KIAA1958: variants seen among roughly 807,000 people sequenced by gnomAD.
The protein encoded by KIAA1958 is KIAA1958.
Under a neutral mutation model 47.2 loss-of-function variants are expected in KIAA1958, and 14 were observed. The observed-to-expected ratio is 0.30, with a 90% confidence interval of 0.20 to 0.46. The LOEUF (loss-of-function observed/expected upper bound fraction) is 0.46, where lower values mean the gene tolerates loss of function less well. Ranked by LOEUF, KIAA1958 falls within the 20% of genes least tolerant of loss-of-function variation. The probability of loss-of-function intolerance (pLI) is 1.00; values close to 1 mark genes in which losing one functional copy is unlikely to be tolerated. For missense variants in KIAA1958, 803 were observed against 909.2 expected (o/e 0.88, Z 1.50); for synonymous variants, 354 against 353.3 (o/e 1.00, Z -0.02).
At chr9:112,612,602 CATAAT>C (rs1836344870) in intron 2 of KIAA1958, among the ~76,000 whole-genome samples, 1 of 151,864 alleles carries the variant, frequency 6.6e-6, no homozygotes, top group South Asian at 2.1e-4. Flanking sequence ...AAAATAAAAT[CATAAT>C]ATATATTACA....
chr9:112,566,653 A>G (rs559540015), intron 1 of KIAA1958, among the ~76,000 whole-genome samples: 110 of 152,364 alleles, frequency 7.2e-4, no homozygotes, highest in Non-Finnish European at 1.2e-3. Context: ...GTGAACATGT[A>G]GTATTTATTT....
At chr9:112,558,749 C>G (rs1835283255) in intron 1 of KIAA1958, among the ~76,000 whole-genome samples, 2 of 152,132 alleles carry the variant, frequency 1.3e-5, no homozygotes, top group Admixed American at 6.5e-5. Context: ...AAATAAGAGT[C>G]AGAATGGAGG....
intron 1 of KIAA1958, among the ~76,000 whole-genome samples, chr9:112,533,080 T>G (rs977573119): frequency 6.6e-6 from 1 of 152,138 alleles, no homozygotes; most frequent in Non-Finnish European, 1.5e-5. Flanking sequence ...AAGTATACCC[T>G]TCCAGATTTA....
chr9:112,515,894 T>TAAA (rs58492221), intron 1 of KIAA1958, among the ~76,000 whole-genome samples: 23,794 of 96,790 alleles, frequency 0.25, 3,405 homozygotes, highest in South Asian at 0.27. Flanking sequence ...AAAAATAAAT[T>TAAA]AAAAAAAAAA....
At chr9:112,633,830 T>G (rs2131232206) in intron 2 of KIAA1958, among the ~76,000 whole-genome samples, 1 of 152,372 alleles carries the variant, frequency 6.6e-6, no homozygotes, top group South Asian at 2.1e-4. Context: ...ATATAATAAT[T>G]CATTGTATAA....
intron 2 of KIAA1958, among the ~76,000 whole-genome samples, chr9:112,620,751 C>T (rs1395206673): frequency 6.6e-6 from 1 of 151,116 alleles, no homozygotes; most frequent in African/African-American, 2.4e-5. Context: ...TGCTAAGTGA[C>T]TTACATGGAT....
chr9:112,625,476 G>T (rs1307025607), intron 2 of KIAA1958, among the ~76,000 whole-genome samples: 2 of 152,076 alleles, frequency 1.3e-5, no homozygotes, highest in Non-Finnish European at 2.9e-5. Flanking sequence ...AACAAAAGAG[G>T]CAATAGCCCC....
rs1836150854 is a variant in KIAA1958 at position 112,602,449 on chromosome 9, G to A, written c.1171+27198G>A. On this transcript the variant is annotated intron_variant, in intron 2 of 3. Transcript: ENST00000337530. ...AAAATTTGATTTCTTTCAGATGAATGCATCTATGGAAGAAGTTAGTACAGT... is the reference window on the plus strand; with the variant it reads ...AAAATTTGATTTCTTTCAGATGAATACATCTATGGAAGAAGTTAGTACAGT... Among the ~76,000 whole-genome samples, 4 of 152,262 alleles carry A rather than the reference G, an allele frequency of 2.6e-5. 1 individual carries two copies. The Middle Eastern group carries it at 0.01, about 388-fold the overall frequency.
chr9:112,582,410 A>G (rs1835751275), intron 2 of KIAA1958: 1 of 152,748 alleles, frequency 6.5e-6, no homozygotes, highest in African/African-American at 2.4e-5. Flanking sequence ...ATTTTTAAAG[A>G]AACAGTTGTT....
Position 112,574,155 on chromosome 9 carries a change from T to C in KIAA1958, c.75T>C (p.Ile25=). 1 of 1,614,086 alleles carries C rather than the reference T, an allele frequency of 6.2e-7. No individual in the cohort carries two copies. Among genetic ancestry groups the C allele is most frequent in the Non-Finnish European group, 8.5e-7 (1 of 1,179,970 alleles). Residue 25 remains isoleucine, a synonymous_variant, in exon 2 of 4, where the codon ATT becomes ATC. Coordinates refer to ENST00000337530, the MANE Select transcript of KIAA1958 (RefSeq NM_133465.4). ...GCTGGGCCCATAGCCATGGGACTATTTGCAGCCTCATTCCAAACCTGAAAC... is the reference window on the plus strand; with the variant it reads ...GCTGGGCCCATAGCCATGGGACTATCTGCAGCCTCATTCCAAACCTGAAAC... The part of the protein sequence containing the change: ...LVSWAHSHGT[I]CSLIPNLKHL...
chr9:112,636,653 G>A (rs1289438173), intron 2 of KIAA1958, among the ~76,000 whole-genome samples: 1 of 151,914 alleles, frequency 6.6e-6, no homozygotes, highest in East Asian at 1.9e-4. Flanking sequence ...TCTTGTCTTA[G>A]TCTGTTTTGT....
At chr9:112,592,277 G>A (rs1430135536) in intron 2 of KIAA1958, among the ~76,000 whole-genome samples, 4 of 152,168 alleles carry the variant, frequency 2.6e-5, no homozygotes, top group African/African-American at 9.7e-5. Flanking sequence ...TATCTAACAG[G>A]GAGATTGCCT....
chr9:112,551,562 A>G (rs1835152039), intron 1 of KIAA1958, among the ~76,000 whole-genome samples: 1 of 152,258 alleles, frequency 6.6e-6, no homozygotes, highest in African/African-American at 2.4e-5. Flanking sequence ...CATAATTGAA[A>G]CTGTGCTAAT....
chr9:112,648,627 A>G (rs373666775), intron 3 of KIAA1958, among the ~76,000 whole-genome samples: 3 of 152,198 alleles, frequency 2.0e-5, no homozygotes, highest in African/African-American at 4.8e-5. Flanking sequence ...GGTATGGGGA[A>G]TAATTAGCCC....
intron 2 of KIAA1958, among the ~76,000 whole-genome samples, chr9:112,623,979 A>G (rs1263471472): frequency 6.6e-6 from 1 of 152,160 alleles, no homozygotes; most frequent in Non-Finnish European, 1.5e-5. Flanking sequence ...TTCTTTATCT[A>G]TAGGAAAGGT....
intron 2 of KIAA1958, among the ~76,000 whole-genome samples, chr9:112,594,677 C>T (rs1387170852): frequency 6.6e-6 from 1 of 152,172 alleles, no homozygotes; most frequent in Non-Finnish European, 1.5e-5. Context: ...ATGAATAATG[C>T]TTTGCTATGA....
chr9:112,576,077 T>C (rs373140168), intron 2 of KIAA1958, among the ~76,000 whole-genome samples: 32 of 152,206 alleles, frequency 2.1e-4, no homozygotes, highest in African/African-American at 7.7e-4. Flanking sequence ...TTTCAGCCCT[T>C]CTCAAAAACG....
chr9:112,605,058 T>C (rs999345039), intron 2 of KIAA1958, among the ~76,000 whole-genome samples: 23 of 147,870 alleles, frequency 1.6e-4, no homozygotes, highest in Non-Finnish European at 3.3e-4. Flanking sequence ...ATATTTATAT[T>C]ATATATATAA....
chr9:112,586,953 A>G lies in KIAA1958; in HGVS notation c.1171+11702A>G, dbSNP rs566651757. On this transcript the variant is annotated intron_variant, in intron 2 of 3. Coordinates refer to ENST00000337530, the MANE Select transcript of KIAA1958 (RefSeq NM_133465.4). ...AAATGTTATTGCCGTGTCTATTTTCATTAGCAAAGCAGCAGCCCCCTTCTC... is the reference window on the plus strand; with the variant it reads ...AAATGTTATTGCCGTGTCTATTTTCGTTAGCAAAGCAGCAGCCCCCTTCTC... Among the ~76,000 whole-genome samples the G allele has an allele frequency of 2.8e-4, 42 of 152,272 alleles. 1 individual carries two copies. The South Asian group carries it at 5.8e-3, about 21-fold the overall frequency.
Sources: gnomAD v4.1 joint callset for allele counts (sites outside exome capture counted in the v4.1 genomes callset) on GRCh38, gnomAD v4.1.1 for gene constraint, MANE v1.5 for transcripts, NCBI Gene and HGNC (gene_info 2026-07-23, HGNC 2026-07-21) for gene names.